PBX1: variants seen among roughly 807,000 people sequenced by gnomAD.
PBX1 encodes the protein pre-B-cell leukemia transcription factor 1.
A neutral mutation model predicts 53.4 loss-of-function variants in PBX1; 6 were observed. The observed-to-expected ratio is 0.11, with a 90% CI of 0.06 to 0.22. PBX1 has a LOEUF of 0.22. PBX1 is among the 10% of genes least tolerant of loss of function. PBX1 has a pLI of 1.00. For synonymous variants in PBX1, 204 were observed against 212.3 expected (o/e 0.96, Z 0.34); for missense variants, 251 against 551.4 (o/e 0.46, Z 5.46).
chr1:164,734,978 A>G (rs1665188321), intron 2 of PBX1, among the ~76,000 whole-genome samples: 1 of 152,242 alleles, frequency 6.6e-6, no homozygotes, highest in African/African-American at 2.4e-5. Context: ...TCTATAATGC[A>G]CTTTCAAAAA....
intron 2 of PBX1, among the ~76,000 whole-genome samples, chr1:164,686,756 A>G (rs2102010808): frequency 6.6e-6 from 1 of 152,124 alleles, no homozygotes; most frequent in Admixed American, 6.5e-5. Context: ...CAGGAGATTG[A>G]GACCATCCTG....
Position 164,606,350 on chromosome 1 carries a change from A to C in PBX1, c.265+43039A>C, listed in dbSNP as rs189201081. ...ATTAAAAGTACAAAAATTAGCTGGG[A>C]GTGGTGGTGGACGCCTGTATTCCCA... On this transcript the variant is annotated intron_variant, in intron 2 of 8. Transcript: ENST00000420696. 2.3e-3 allele frequency among the ~76,000 whole-genome samples: 356 copies of C among 152,192 alleles called. 2 individuals carry two copies. The highest frequency in any genetic ancestry group is 5.1e-3 in the Admixed American group (78 of 15,292).
At chr1:164,607,366 C>A (rs1283109924) in intron 2 of PBX1, among the ~76,000 whole-genome samples, 5 of 151,994 alleles carry the variant, frequency 3.3e-5, no homozygotes, top group Admixed American at 6.6e-5. Flanking sequence ...AAGCAATTTG[C>A]TAATGGGAAG....
chr1:164,792,314 T>C (rs1668554087), intron 2 of PBX1, among the ~76,000 whole-genome samples, 180 bp from the exon 3 acceptor site: 1 of 152,144 alleles, frequency 6.6e-6, no homozygotes, highest in South Asian at 2.1e-4. Context: ...ACAAAGCAAG[T>C]CCCTCCTTCA....
chr1:164,652,932 C>T (rs1202542454), intron 2 of PBX1, among the ~76,000 whole-genome samples: 1 of 150,638 alleles, frequency 6.6e-6, no homozygotes, highest in African/African-American at 2.5e-5. Context: ...GGCAGTGGTG[C>T]GACCTTGGCT....
At chr1:164,740,272 A>G (rs1665533188) in intron 2 of PBX1, among the ~76,000 whole-genome samples, 1 of 152,216 alleles carries the variant, frequency 6.6e-6, no homozygotes, top group South Asian at 2.1e-4. Flanking sequence ...GATGTGCAAC[A>G]AACCATACTG....
rs11299132 is a variant in PBX1, at chr1:164,622,822, CTT to C, written c.265+59530_265+59531del. Among the ~76,000 whole-genome samples the C allele has an allele frequency of 1.9e-3, 205 of 106,260 alleles. 1 individual carries two copies. Among genetic ancestry groups the C allele is most frequent in the South Asian group, 0.015 (47 of 3,160 alleles). 69.7% of individuals were successfully genotyped at this position (106,260 alleles called of 152,430 possible). On this transcript the variant is annotated intron_variant, in intron 2 of 8. Coordinates refer to ENST00000420696, the MANE Select transcript of PBX1 (RefSeq NM_002585.4). Reference sequence around the variant, plus strand: ...ATACATACATACACACAGTTTCCATCTTTTTTTTTTTTTTTTTTTTGAGACAG... The same window carrying C: ...ATACATACATACACACAGTTTCCATCTTTTTTTTTTTTTTTTTTGAGACAG...
intron 7 of PBX1, among the ~76,000 whole-genome samples, chr1:164,820,988 T>C (rs927220820): frequency 6.6e-6 from 1 of 152,156 alleles, no homozygotes; most frequent in African/African-American, 2.4e-5. Context: ...TTGAGAAACA[T>C]TGCCTGGAAA....
chr1:164,786,768 G>C (rs1057035722), intron 2 of PBX1, among the ~76,000 whole-genome samples: 2 of 150,068 alleles, frequency 1.3e-5, no homozygotes, highest in African/African-American at 4.9e-5. Context: ...CATCCATGTA[G>C]CTGCCTGTTG....
At chr1:164,697,218 T>G (rs1447958315) in intron 2 of PBX1, among the ~76,000 whole-genome samples, 1 of 152,202 alleles carries the variant, frequency 6.6e-6, no homozygotes, top group Non-Finnish European at 1.5e-5. Context: ...GTAGAGGGAT[T>G]AAATAATTTG....
intron 2 of PBX1, among the ~76,000 whole-genome samples, chr1:164,701,821 A>G (rs557249254): frequency 2.6e-4 from 39 of 152,162 alleles, no homozygotes; most frequent in Admixed American, 8.5e-4. Context: ...CTATCTCTGT[A>G]TTATGTGTTC....
chr1:164,678,025 C>T (rs1027131109), intron 2 of PBX1, among the ~76,000 whole-genome samples: 7 of 152,148 alleles, frequency 4.6e-5, no homozygotes, highest in African/African-American at 1.7e-4. Flanking sequence ...CTAAAACCAA[C>T]CTCTTTTCAA....
At chr1:164,693,671 T>A (rs1009790922) in intron 2 of PBX1, among the ~76,000 whole-genome samples, 2 of 152,152 alleles carry the variant, frequency 1.3e-5, no homozygotes, top group Admixed American at 1.3e-4. Flanking sequence ...GCATATCTGT[T>A]ATTCCATCTG....
intron 8 of PBX1, among the ~76,000 whole-genome samples, chr1:164,835,392 A>T (rs1558036398): frequency 6.6e-6 from 1 of 152,074 alleles, no homozygotes. Flanking sequence ...AGTCTTTGTG[A>T]TGTATTGTAA....
chr1:164,716,578 A>G (rs1316769319), intron 2 of PBX1, among the ~76,000 whole-genome samples: 1 of 151,950 alleles, frequency 6.6e-6, no homozygotes, highest in African/African-American at 2.4e-5. Context: ...TGAAAGGCCA[A>G]GTGTGGTGGC....
In PBX1 at chr1:164,559,741, A is replaced by C; in HGVS notation, c.-82A>C. 5.9e-6 allele frequency: 6 copies of C among 1,023,476 alleles called. No homozygotes were observed. Among genetic ancestry groups the C allele is most frequent in the Non-Finnish European group, 8.3e-6 (6 of 723,704 alleles). 63.4% of individuals were successfully genotyped at this position (1,023,476 alleles called of 1,614,324 possible). ...GAAAAGGATTTGAAGACAAGCTTGA[A>C]GGATAAAAAGCCTTGGTGCTTCCCA... On this transcript the variant is annotated 5_prime_UTR_variant, in exon 1 of 9. Coordinates refer to ENST00000420696, the MANE Select transcript of PBX1 (RefSeq NM_002585.4).
At chr1:164,712,783 C>G (rs1389560664) in intron 2 of PBX1, among the ~76,000 whole-genome samples, 1 of 152,096 alleles carries the variant, frequency 6.6e-6, no homozygotes, top group Non-Finnish European at 1.5e-5. Context: ...GTTGCCTGTT[C>G]CGTTCAGCGT....
intron 2 of PBX1, among the ~76,000 whole-genome samples, chr1:164,686,949 T>C (rs1662135543): frequency 6.6e-6 from 1 of 150,518 alleles, no homozygotes; most frequent in Non-Finnish European, 1.5e-5. Flanking sequence ...AGAGCGAGAC[T>C]GCATCCCAAA....
intron 3 of PBX1, among the ~76,000 whole-genome samples, chr1:164,793,818 T>C (rs1668642640): frequency 7.4e-6 from 1 of 135,284 alleles, no homozygotes; most frequent in Non-Finnish European, 1.8e-5. Flanking sequence ...TTTTTTCGTT[T>C]CTTCTTTTCT....
Sources: gnomAD v4.1 joint callset for allele counts (sites outside exome capture counted in the v4.1 genomes callset) on GRCh38, gnomAD v4.1.1 for gene constraint, MANE v1.5 for transcripts, NCBI Gene and HGNC (gene_info 2026-07-23, HGNC 2026-07-21) for gene names.